The following FAF1 variants were observed in gnomAD, a reference collection of about 807,000 sequenced individuals.
FAF1 encodes Fas associated factor 1.
A neutral mutation model predicts 92.5 loss-of-function variants in FAF1; 25 were observed. The observed-to-expected ratio is 0.27, with a 90% CI of 0.20 to 0.38. The LOEUF (loss-of-function observed/expected upper bound fraction) is 0.38, where lower values mean the gene tolerates loss of function less well. Among genes scored for constraint, FAF1 ranks in the 10% least tolerant of loss-of-function variants. The pLI is 1.00. For missense variants in FAF1, 636 were observed against 793.3 expected (o/e 0.80, Z 2.38); for synonymous variants, 234 against 273.2 (o/e 0.86, Z 1.42).
intron 4 of FAF1, among the ~76,000 whole-genome samples, chr1:50,755,305 A>G (rs1268121140): frequency 1.3e-5 from 2 of 152,242 alleles, no homozygotes; most frequent in East Asian, 1.9e-4. Flanking sequence ...TAAAGGCTCC[A>G]TGAAAGTCCA....
chr1:50,766,017 G>A (rs1049359071), intron 4 of FAF1, among the ~76,000 whole-genome samples: 11 of 152,074 alleles, frequency 7.2e-5, no homozygotes, highest in Admixed American at 2.0e-4. Flanking sequence ...GCTTGAACCC[G>A]GGAGGCGCAG....
At chr1:50,621,676 A>C (rs1653215720) in intron 8 of FAF1, among the ~76,000 whole-genome samples, 1 of 151,736 alleles carries the variant, frequency 6.6e-6, no homozygotes, top group East Asian at 2.0e-4. Context: ...CTGAGATTAC[A>C]GGAGTGAGGC....
intron 1 of FAF1, among the ~76,000 whole-genome samples, chr1:50,913,465 A>C (rs1644900079): frequency 1.3e-5 from 2 of 152,314 alleles, no homozygotes; most frequent in Middle Eastern, 3.4e-3. Context: ...ACAACACCAA[A>C]GGGCTGAATC....
intron 3 of FAF1, among the ~76,000 whole-genome samples, chr1:50,789,175 C>A (rs1360033687): frequency 6.6e-6 from 1 of 152,140 alleles, no homozygotes; most frequent in Non-Finnish European, 1.5e-5. Flanking sequence ...AGTATTATCC[C>A]TTTTATATCC....
At chr1:50,642,266 T>G (rs1397184232) in intron 8 of FAF1, among the ~76,000 whole-genome samples, 1 of 151,956 alleles carries the variant, frequency 6.6e-6, no homozygotes, top group Non-Finnish European at 1.5e-5. Context: ...CATCCCAAAT[T>G]TCTTATGTTT....
At chr1:50,551,237 T>C (rs898196414) in intron 13 of FAF1, among the ~76,000 whole-genome samples, 4 of 152,116 alleles carry the variant, frequency 2.6e-5, no homozygotes, top group South Asian at 2.1e-4. Flanking sequence ...CCCAGACATA[T>C]ATACAGAGGG....
At chr1:50,919,015 C>G (rs1189692311) in intron 1 of FAF1, among the ~76,000 whole-genome samples, 1 of 151,932 alleles carries the variant, frequency 6.6e-6, no homozygotes, top group Non-Finnish European at 1.5e-5. Context: ...TTATAAGGAA[C>G]AAAATAAATG....
chr1:50,504,035 T>C (rs924529265), intron 15 of FAF1, among the ~76,000 whole-genome samples: 3 of 152,246 alleles, frequency 2.0e-5, no homozygotes. Flanking sequence ...TGGTTTATTG[T>C]ATATCAATTG....
At chr1:50,475,426 A>C in intron 18 of FAF1, 38 bp downstream of exon 18, 1 of 1,507,932 alleles carries the variant, frequency 6.6e-7, no homozygotes, top group Non-Finnish European at 9.2e-7. Context: ...CACATCTCCC[A>C]CCTGGATATA....
chr1:50,757,445 C>T (rs1006966581), intron 4 of FAF1, among the ~76,000 whole-genome samples: 1 of 152,166 alleles, frequency 6.6e-6, no homozygotes, highest in Non-Finnish European at 1.5e-5. Flanking sequence ...TAGATATATA[C>T]ACAGTTAGGA....
intron 1 of FAF1, among the ~76,000 whole-genome samples, chr1:50,914,507 T>G (rs1644907012): frequency 6.6e-6 from 1 of 152,232 alleles, no homozygotes; most frequent in Admixed American, 6.5e-5. Context: ...CATTTCATTT[T>G]GAGAATGTGA....
intron 15 of FAF1, among the ~76,000 whole-genome samples, chr1:50,530,059 A>C (rs1648057947): frequency 6.6e-6 from 1 of 152,150 alleles, no homozygotes; most frequent in Non-Finnish European, 1.5e-5. Flanking sequence ...TTCTCCTTGA[A>C]GTTACTTTTA....
intron 3 of FAF1, among the ~76,000 whole-genome samples, chr1:50,791,760 A>G (rs1661571322): frequency 6.6e-6 from 1 of 152,132 alleles, no homozygotes. Flanking sequence ...TATCATATCC[A>G]TGTTACCACT....
intron 8 of FAF1, among the ~76,000 whole-genome samples, chr1:50,634,703 C>A (rs1048240693): frequency 9.2e-5 from 14 of 152,068 alleles, no homozygotes; most frequent in African/African-American, 3.1e-4. Context: ...TTATTAAATG[C>A]AATTTAGAGC....
chr1:50,490,393 A>AAGGT (rs1646818118), intron 17 of FAF1, among the ~76,000 whole-genome samples, 195 bp downstream of exon 17: 1 of 20,312 alleles, frequency 4.9e-5, no homozygotes, highest in African/African-American at 1.5e-4. Flanking sequence ...AAAAGGAAGG[A>AAGGT]AGGAAGGAAG....
intron 2 of FAF1, among the ~76,000 whole-genome samples, chr1:50,819,196 G>A (rs1475695090): frequency 1.3e-5 from 2 of 151,972 alleles, no homozygotes; most frequent in East Asian, 1.9e-4. Context: ...GAGTAGAGCT[G>A]GGGGTTACTA....
intron 8 of FAF1, among the ~76,000 whole-genome samples, chr1:50,625,486 C>T (rs1308492691): frequency 6.6e-6 from 1 of 152,138 alleles, no homozygotes; most frequent in South Asian, 2.1e-4. Context: ...ACAATCAATG[C>T]TTTGGTAGTA....
At chr1:50,934,378 T>C (rs1285538287) in intron 1 of FAF1, among the ~76,000 whole-genome samples, 5 of 152,318 alleles carry the variant, frequency 3.3e-5, no homozygotes, top group Non-Finnish European at 2.9e-5. Flanking sequence ...CTTTATAATT[T>C]CTTATAATAT....
chr1:50,627,096 T>TCC (rs1653538015), intron 8 of FAF1, among the ~76,000 whole-genome samples: 2 of 152,078 alleles, frequency 1.3e-5, no homozygotes, highest in Admixed American at 1.3e-4. Flanking sequence ...GACCTCTAAG[T>TCC]GAAGATGATA....
Sources: gnomAD v4.1 joint callset for allele counts (sites outside exome capture counted in the v4.1 genomes callset) on GRCh38, gnomAD v4.1.1 for gene constraint, MANE v1.5 for transcripts, NCBI Gene and HGNC (gene_info 2026-07-23, HGNC 2026-07-21) for gene names.